The following SCP2 variants were observed in gnomAD, a reference collection of about 807,000 sequenced individuals.
The protein encoded by SCP2 is SCP-2/3-oxoacyl-CoA thiolase.
SCP2 carries 48 observed loss-of-function variants against 71.4 expected under a neutral mutation model. That is an observed-to-expected ratio of 0.67 (90% confidence interval 0.53 to 0.86). The LOEUF is 0.86. Ranked by LOEUF, SCP2 falls within the 40% of genes least tolerant of loss-of-function variation. The pLI is 0.00. For synonymous variants in SCP2, 220 were observed against 218.1 expected, an observed-to-expected ratio of 1.01 and a Z score of -0.08; for missense variants, 560 against 655.6, an observed-to-expected ratio of 0.85 and a Z score of 1.59.
intron 2 of SCP2, among the ~76,000 whole-genome samples, chr1:52,945,199 TA>T (rs1654663336): frequency 6.6e-6 from 1 of 152,086 alleles, no homozygotes; most frequent in Non-Finnish European, 1.5e-5. Flanking sequence ...TTTATTTAGA[TA>T]TTTTTAAGGA....
intron 14 of SCP2, among the ~76,000 whole-genome samples, chr1:53,046,330 C>A (rs77869350): frequency 8.3e-6 from 1 of 120,914 alleles, no homozygotes; most frequent in Non-Finnish European, 1.8e-5. Context: ...TGGGTATTGT[C>A]TTTTTTTTTT....
intron 7 of SCP2, among the ~76,000 whole-genome samples, chr1:52,975,041 G>C (rs1657828151): frequency 6.6e-6 from 1 of 151,928 alleles, no homozygotes; most frequent in African/African-American, 2.4e-5. Flanking sequence ...ATATCATTTA[G>C]GCTAATGACC....
chr1:52,935,697 G>A (rs911222666), intron 1 of SCP2, among the ~76,000 whole-genome samples: 22 of 152,126 alleles, frequency 1.4e-4, no homozygotes, highest in Non-Finnish European at 8.8e-5. Flanking sequence ...CAGCAGTTGG[G>A]GAGGCTGAGG....
intron 11 of SCP2, among the ~76,000 whole-genome samples, chr1:53,006,570 G>A (rs58474177): frequency 0.32 from 48,020 of 151,670 alleles, 12,694 homozygotes; most frequent in African/African-American, 0.72. Context: ...TTTACACACA[G>A]GCAAATGCTG....
intron 4 of SCP2, among the ~76,000 whole-genome samples, chr1:52,952,829 A>G (rs191553581): frequency 2.5e-4 from 38 of 152,060 alleles, no homozygotes; most frequent in Admixed American, 2.1e-3. Context: ...GTATATATAT[A>G]TATTTTCTGT....
intron 13 of SCP2, among the ~76,000 whole-genome samples, chr1:53,029,892 CCT>C (rs1491448404): frequency 3.1e-4 from 47 of 151,342 alleles, no homozygotes; most frequent in Admixed American, 5.9e-4. Flanking sequence ...ATCTTTACCC[CCT>C]GTTTTTTTTT....
chr1:53,036,237 C>T (rs1359727435), intron 13 of SCP2, among the ~76,000 whole-genome samples: 1 of 149,426 alleles, frequency 6.7e-6, no homozygotes, highest in Non-Finnish European at 1.5e-5. Flanking sequence ...AATATGATCC[C>T]ATTTAAGATA....
chr1:53,032,931 AG>A (rs1662661063), intron 13 of SCP2, among the ~76,000 whole-genome samples: 1 of 152,160 alleles, frequency 6.6e-6, no homozygotes, highest in South Asian at 2.1e-4. Context: ...AAAAACTTGA[AG>A]GGCCCTCAAA....
intron 4 of SCP2, 31 bp from the exon 5 acceptor site, chr1:52,954,709 A>G: frequency 6.3e-7 from 1 of 1,592,980 alleles, no homozygotes; most frequent in Non-Finnish European, 8.6e-7. Flanking sequence ...TGGAAATTTG[A>G]ATTTTCAAAA....
intron 11 of SCP2, among the ~76,000 whole-genome samples, chr1:53,013,106 CTTT>C (rs754111443): frequency 2.9e-5 from 3 of 104,636 alleles, no homozygotes; most frequent in African/African-American, 7.8e-5. Context: ...GTGGAGCTAC[CTTT>C]TTTTTTTTTT....
Position 52,980,514 on chromosome 1 carries a change from C to G in SCP2, c.944C>G (p.Thr315Ser). The G allele has an allele frequency of 2.5e-6, 4 of 1,613,994 alleles. No homozygotes were observed. Among genetic ancestry groups the G allele is most frequent in the Non-Finnish European group, 3.4e-6 (4 of 1,179,856 alleles). Reference protein sequence around the residue: ...HDCFSTNELLTYEALGLCPEG... With the variant: ...HDCFSTNELLSYEALGLCPEG... The stretch of plus-strand genomic sequence containing the variant: ...TGCTTTTCTACCAACGAACTCCTTA[C>G]TTATGAAGCACTGGGACTCTGTCCA... Residue 315 changes from threonine (T) to serine (S), a missense_variant, in exon 10 of 16, where the codon ACT becomes AGT. Thr to Ser is a moderately conservative substitution (Grantham distance 58). Coordinates refer to ENST00000371514, the MANE Select transcript of SCP2 (RefSeq NM_002979.5).
At chr1:53,037,394 A>G (rs753084037) in intron 13 of SCP2, among the ~76,000 whole-genome samples, 5 of 151,962 alleles carry the variant, frequency 3.3e-5, no homozygotes, top group Non-Finnish European at 5.9e-5. Context: ...ATCGCAGCGT[A>G]TTGTCATAGT....
chr1:52,956,431 G>A (rs925558554), intron 5 of SCP2, among the ~76,000 whole-genome samples: 7 of 152,164 alleles, frequency 4.6e-5, no homozygotes, highest in African/African-American at 1.4e-4. Flanking sequence ...CCCAAATTAA[G>A]TTAAATATAT....
chr1:52,968,020 A>G (rs1040276049), intron 6 of SCP2, among the ~76,000 whole-genome samples: 1 of 152,150 alleles, frequency 6.6e-6, no homozygotes, highest in African/African-American at 2.4e-5. Flanking sequence ...TTGGCCTGTA[A>G]CACTCTGCCT....
chr1:52,956,334 T>G (rs1486885802), intron 5 of SCP2, among the ~76,000 whole-genome samples: 1 of 152,116 alleles, frequency 6.6e-6, no homozygotes, highest in African/African-American at 2.4e-5. Flanking sequence ...AGATAATTTT[T>G]TACTGTTATC....
intron 1 of SCP2, among the ~76,000 whole-genome samples, chr1:52,933,237 C>T (rs1653327110): frequency 6.6e-6 from 1 of 152,140 alleles, no homozygotes; most frequent in South Asian, 2.1e-4. Context: ...CTGTAGTTCT[C>T]ACTTACCAAA....
chr1:52,960,646 ATGTATATATG>A (rs904650421), intron 5 of SCP2, among the ~76,000 whole-genome samples: 3 of 145,924 alleles, frequency 2.1e-5, no homozygotes, highest in African/African-American at 5.2e-5. Flanking sequence ...GTATATATGT[ATGTATATATG>A]TGTATATATA....
intron 2 of SCP2, among the ~76,000 whole-genome samples, chr1:52,946,442 C>G (rs963795132): frequency 6.6e-6 from 1 of 152,016 alleles, no homozygotes; most frequent in Non-Finnish European, 1.5e-5. Flanking sequence ...CTCAAAACTC[C>G]TGGGCTCAAG....
chr1:53,037,875 TACATACACACACACACAC>T (rs1222023930), intron 13 of SCP2, among the ~76,000 whole-genome samples: 10 of 96,506 alleles, frequency 1.0e-4, no homozygotes, highest in African/African-American at 4.3e-4. Context: ...ATCCTGTCTC[TACATACACACACACACAC>T]ACACACACAC....
Sources: gnomAD v4.1 joint callset for allele counts (sites outside exome capture counted in the v4.1 genomes callset) on GRCh38, gnomAD v4.1.1 for gene constraint, MANE v1.5 for transcripts, NCBI Gene and HGNC (gene_info 2026-07-23, HGNC 2026-07-21) for gene names.